Variants in SLC39A14 observed in about 807,000 individuals in gnomAD.
SLC39A14 encodes the protein solute carrier family 39 member 14, also known as metal cation symporter ZIP14.
SLC39A14 carries 19 observed loss-of-function variants against 45.5 expected under a neutral mutation model. The ratio of observed to expected loss-of-function variants is 0.42; its 90% CI spans 0.29 to 0.61. SLC39A14 has a LOEUF of 0.61. Among genes scored for constraint, SLC39A14 ranks in the 20% least tolerant of loss-of-function variants. The pLI is 0.22. For missense variants in SLC39A14, 447 were observed against 616.5 expected (o/e 0.73, Z 2.91); for synonymous variants, 264 against 251.3 (o/e 1.05, Z -0.48).
At chr8:22,401,543 CTTTTTTTTTTTT>C (rs71544899) in intron 1 of SLC39A14, among the ~76,000 whole-genome samples, 5 of 84,076 alleles carry the variant, frequency 5.9e-5, no homozygotes, top group Admixed American at 2.9e-4. Context: ...TCTTCTCTTT[CTTTTTTTTTTTT>C]TTTTTTTTTT....
intron 3 of SLC39A14, 67 bp from the exon 4 acceptor site, chr8:22,411,970 C>G: frequency 7.1e-7 from 1 of 1,416,356 alleles, no homozygotes; most frequent in Non-Finnish European, 9.5e-7. Context: ...ATGGTGGTTG[C>G]TGTGCAATGG....
chr8:22,428,441 CT>C (rs59846887), intron 8 of SLC39A14, among the ~76,000 whole-genome samples: 482 of 116,400 alleles, frequency 4.1e-3, no homozygotes, highest in African/African-American at 5.9e-3. Context: ...TTCATATGTT[CT>C]TTTTTTTTTT....
chr8:22,418,557 G>A (rs1836029210), intron 8 of SLC39A14, among the ~76,000 whole-genome samples: 2 of 148,298 alleles, frequency 1.3e-5, no homozygotes, highest in African/African-American at 2.5e-5. Context: ...TTTTTTTTTA[G>A]ACAGAACCTC....
chr8:22,430,125 G>A (rs1248519539), intron 8 of SLC39A14, among the ~76,000 whole-genome samples: 1 of 152,216 alleles, frequency 6.6e-6, no homozygotes, highest in Non-Finnish European at 1.5e-5. Flanking sequence ...TTCGGGAAAG[G>A]AGAAGACATT....
chr8:22,432,837 A>G (rs1203585495), intron 8 of SLC39A14, among the ~76,000 whole-genome samples: 2 of 117,956 alleles, frequency 1.7e-5, no homozygotes, highest in Admixed American at 9.2e-5. Context: ...TTTTTTTTGT[A>G]GAGATGGGTT....
intron 1 of SLC39A14, among the ~76,000 whole-genome samples, chr8:22,380,432 C>G (rs1274858235): frequency 2.0e-5 from 3 of 152,178 alleles, no homozygotes; most frequent in Non-Finnish European, 4.4e-5. Flanking sequence ...TAGAAAGAGG[C>G]TGATCCATCA....
In SLC39A14 at chr8:22,390,857, C is replaced by G. The variant is rs1834034733; in HGVS notation, c.-15-13839C>G. 2.0e-5 allele frequency among the ~76,000 whole-genome samples: 3 copies of G among 152,238 alleles called. No individual in the cohort carries two copies. The South Asian group carries it at 6.2e-4, about 32-fold the overall frequency. ...TGCTGGGATTACAGGGGTGAGCCAC[C>G]ACATCCAGCCCTTGAACCAGTCTTA... On this transcript the variant is annotated intron_variant, in intron 1 of 8. Coordinates refer to ENST00000381237, the MANE Select transcript of SLC39A14 (RefSeq NM_001128431.4).
downstream of SLC39A14, among the ~76,000 whole-genome samples, chr8:22,427,020 C>G (rs888521429): frequency 2.6e-5 from 4 of 151,558 alleles, no homozygotes; most frequent in African/African-American, 4.8e-5. Context: ...GGGCCGGGTG[C>G]AGTGGCTCAT....
At chr8:22,389,026 G>C (rs58263456) in intron 1 of SLC39A14, among the ~76,000 whole-genome samples, 1 of 152,192 alleles carries the variant, frequency 6.6e-6, no homozygotes, top group South Asian at 2.1e-4. Flanking sequence ...CAGGGACGAC[G>C]CAGGGGCTGG....
intron 7 of SLC39A14, among the ~76,000 whole-genome samples, 156 bp from the exon 8 acceptor site, chr8:22,417,495 G>C: frequency 6.6e-6 from 1 of 152,110 alleles, no homozygotes; most frequent in South Asian, 2.1e-4. Flanking sequence ...TTGTATGACT[G>C]GCTCTCACTT....
intron 1 of SLC39A14, among the ~76,000 whole-genome samples, chr8:22,372,448 G>C (rs557793576): frequency 6.6e-6 from 1 of 152,244 alleles, no homozygotes; most frequent in South Asian, 2.1e-4. Flanking sequence ...GTATTGCATA[G>C]TATGGAAGTA....
intron 1 of SLC39A14, chr8:22,404,463 T>G (rs1586714705): frequency 8.7e-6 from 1 of 114,822 alleles, no homozygotes; most frequent in Non-Finnish European, 1.8e-5. Context: ...TTGCTGTTTG[T>G]TTTTTTTTTT....
chr8:22,412,338 G>A (rs565780867), intron 4 of SLC39A14, 132 bp downstream of exon 4: 137 of 958,640 alleles, frequency 1.4e-4, no homozygotes, highest in Non-Finnish European at 1.9e-4. Context: ...GAACTTAGGC[G>A]TGAACTAGGA....
At chr8:22,404,605 C>A in intron 1 of SLC39A14, 91 bp from the exon 2 acceptor site, 2 of 1,242,848 alleles carry the variant, frequency 1.6e-6, no homozygotes, top group Non-Finnish European at 2.3e-6. Context: ...GAGGGATAGT[C>A]TCAACATGTT....
At chr8:22,387,162 G>C (rs143464163) in intron 1 of SLC39A14, among the ~76,000 whole-genome samples, 269 of 142,896 alleles carry the variant, frequency 1.9e-3, no homozygotes, top group African/African-American at 6.7e-3. Flanking sequence ...AACAGAGTGA[G>C]ACCCTGTCTT....
intron 1 of SLC39A14, among the ~76,000 whole-genome samples, chr8:22,396,389 GAGAGAGAGAGAGAGAGAGAGAGA>G (rs1563532463): frequency 9.8e-4 from 6 of 6,096 alleles, no homozygotes; most frequent in African/African-American, 7.2e-3. Flanking sequence ...AATAAATAGA[GAGAGAGAGAGAGAGAGAGAGAGA>G]GGGGGGGGGG....
At chr8:22,409,903 C>T in intron 3 of SLC39A14, 1 of 1,608,400 alleles carries the variant, frequency 6.2e-7, no homozygotes. Context: ...AGTGTCCCCA[C>T]CCTCAGTAAT....
At chr8:22,377,931 T>G (rs1211858866) in intron 1 of SLC39A14, among the ~76,000 whole-genome samples, 1 of 152,238 alleles carries the variant, frequency 6.6e-6, no homozygotes, top group African/African-American at 2.4e-5. Flanking sequence ...GCTCTCCCTC[T>G]CTGCAGTTCA....
At chr8:22,372,127 AG>A (rs1832973248) in intron 1 of SLC39A14, among the ~76,000 whole-genome samples, 1 of 152,288 alleles carries the variant, frequency 6.6e-6, no homozygotes, top group African/African-American at 2.4e-5. Flanking sequence ...TTGAGTCTTT[AG>A]ATCCCTTATT....
Sources: allele counts gnomAD v4.1 joint callset (sites outside exome capture counted in the v4.1 genomes callset), GRCh38; gene constraint gnomAD v4.1.1; transcripts MANE v1.5; gene names NCBI Gene and HGNC (gene_info 2026-07-23, HGNC 2026-07-21).